SHISA6: variants seen among roughly 807,000 people sequenced by gnomAD.
SHISA6 encodes protein shisa-6.
A neutral mutation model predicts 47.9 loss-of-function variants in SHISA6; 22 were observed. That is an observed-to-expected ratio of 0.46 (90% CI 0.33 to 0.66). SHISA6 has a LOEUF of 0.66. Ranked by LOEUF, SHISA6 falls within the 30% of genes least tolerant of loss-of-function variation. The pLI, the probability that SHISA6 is intolerant of heterozygous loss-of-function variation, is 0.02. For synonymous variants in SHISA6, 388 were observed against 337.8 expected (o/e 1.15, Z -1.63); for missense variants, 680 against 764.6 (o/e 0.89, Z 1.30).
chr17:11,382,606 T>A (rs924192233), intron 3 of SHISA6, among the ~76,000 whole-genome samples: 1 of 152,228 alleles, frequency 6.6e-6, no homozygotes, highest in Middle Eastern at 3.2e-3. Context: ...TTGTTTTATT[T>A]CTCTATCCTT....
At chr17:11,277,077 T>C (rs1908927934) in intron 2 of SHISA6, among the ~76,000 whole-genome samples, 1 of 152,076 alleles carries the variant, frequency 6.6e-6, no homozygotes, top group Non-Finnish European at 1.5e-5. Context: ...ATCCAAGGAC[T>C]TGAAATGAAT....
intron 2 of SHISA6, among the ~76,000 whole-genome samples, chr17:11,301,995 A>G (rs1157629105): frequency 6.6e-6 from 1 of 152,150 alleles, no homozygotes; most frequent in Non-Finnish European, 1.5e-5. Flanking sequence ...GGCAAGAGAA[A>G]ATGAGGAAAA....
At chr17:11,546,897 C>T (rs1597580675) in intron 3 of SHISA6, among the ~76,000 whole-genome samples, 1 of 151,896 alleles carries the variant, frequency 6.6e-6, no homozygotes, top group Admixed American at 6.6e-5. Context: ...CCACTGTACT[C>T]CAGCCTGGGC....
intron 3 of SHISA6, among the ~76,000 whole-genome samples, chr17:11,420,362 T>G (rs1220820263): frequency 6.6e-6 from 1 of 152,222 alleles, no homozygotes; most frequent in Non-Finnish European, 1.5e-5. Flanking sequence ...CACATGGTTA[T>G]GTGGAGGATG....
At chr17:11,306,230 G>A (rs866906067) in intron 2 of SHISA6, among the ~76,000 whole-genome samples, 14 of 152,076 alleles carry the variant, frequency 9.2e-5, no homozygotes, top group Non-Finnish European at 1.3e-4. Flanking sequence ...CTGGATTCCC[G>A]ATCCAGAGGT....
chr17:11,533,594 T>TTA (rs202037527), intron 3 of SHISA6, among the ~76,000 whole-genome samples: 10 of 140,824 alleles, frequency 7.1e-5, no homozygotes, highest in Middle Eastern at 3.5e-3. Context: ...ATTATTTTTT[T>TTA]TTTTTTTTTT....
chr17:11,472,533 T>C (rs1184907458), intron 3 of SHISA6, among the ~76,000 whole-genome samples: 3 of 152,160 alleles, frequency 2.0e-5, no homozygotes, highest in South Asian at 2.1e-4. Context: ...TAATATTCCA[T>C]TGTCTGGATG....
At chr17:11,472,707 A>C (rs1340325044) in intron 3 of SHISA6, among the ~76,000 whole-genome samples, 1 of 152,144 alleles carries the variant, frequency 6.6e-6, no homozygotes, top group African/African-American at 2.4e-5. Flanking sequence ...CAATTTTTGG[A>C]TCATATGGTA....
rs541355463 is a variant in SHISA6, at chr17:11,350,218, C to T, written c.800-29196C>T. ...TTTTTGAGACGGAGTCTCGCTCTGT[C>T]GCCCAGGCTGGAGTGCAGTGGCGCG... On this transcript the variant is annotated intron_variant, in intron 2 of 5. Coordinates refer to ENST00000441885, the MANE Select transcript of SHISA6 (RefSeq NM_207386.4). 1.2e-4 allele frequency among the ~76,000 whole-genome samples: 13 copies of T among 111,146 alleles called. 1 individual carries two copies. Among genetic ancestry groups the T allele is most frequent in the Non-Finnish European group, 2.1e-4 (12 of 56,282 alleles). The allele number at this position is 111,146 out of a possible 152,430, so 72.9% of individuals were successfully genotyped here. A position where few individuals can be genotyped will look rare whatever the true frequency, so the allele number is the denominator to read the frequency against.
chr17:11,337,981 G>A (rs1473233139), intron 2 of SHISA6, among the ~76,000 whole-genome samples: 1 of 152,222 alleles, frequency 6.6e-6, no homozygotes, highest in Non-Finnish European at 1.5e-5. Flanking sequence ...GGAAGTCTTG[G>A]AAGAAGAGTG....
chr17:11,252,949 A>G (rs1205932821), intron 1 of SHISA6, among the ~76,000 whole-genome samples: 1 of 152,228 alleles, frequency 6.6e-6, no homozygotes, highest in Non-Finnish European at 1.5e-5. Context: ...GAGACTATTT[A>G]TGCAATGGGA....
At chr17:11,534,739 TC>T (rs2071770670) in intron 3 of SHISA6, among the ~76,000 whole-genome samples, 1 of 152,008 alleles carries the variant, frequency 6.6e-6, no homozygotes, top group African/African-American at 2.4e-5. Context: ...GAAAAGACAT[TC>T]CAGGGAGACA....
intron 2 of SHISA6, among the ~76,000 whole-genome samples, chr17:11,365,437 C>A (rs955277459): frequency 1.3e-5 from 2 of 152,102 alleles, no homozygotes; most frequent in Non-Finnish European, 2.9e-5. Context: ...ACCACCACAT[C>A]CAGCTAATTT....
At chr17:11,363,789 C>G (rs748382003) in intron 2 of SHISA6, among the ~76,000 whole-genome samples, 8 of 152,170 alleles carry the variant, frequency 5.3e-5, no homozygotes, top group African/African-American at 1.9e-4. Flanking sequence ...TGACAACACC[C>G]GGAGGTTACT....
chr17:11,523,118 C>T (rs2071644568), intron 3 of SHISA6, among the ~76,000 whole-genome samples: 1 of 152,270 alleles, frequency 6.6e-6, no homozygotes, highest in African/African-American at 2.4e-5. Context: ...CTAAAAAAAT[C>T]CCATGGTAAG....
intron 1 of SHISA6, among the ~76,000 whole-genome samples, chr17:11,244,785 C>T (rs1438148926): frequency 1.3e-5 from 2 of 152,156 alleles, no homozygotes; most frequent in African/African-American, 4.8e-5. Flanking sequence ...AAGATGTTTC[C>T]TTTCTGAACA....
chr17:11,346,902 C>T (rs8076431), intron 2 of SHISA6, among the ~76,000 whole-genome samples: 4 of 152,008 alleles, frequency 2.6e-5, no homozygotes, highest in African/African-American at 9.7e-5. Flanking sequence ...TGATATTCTC[C>T]TGAATACTTA....
At chr17:11,464,391 G>A (rs551866814) in intron 3 of SHISA6, among the ~76,000 whole-genome samples, 1 of 152,174 alleles carries the variant, frequency 6.6e-6, no homozygotes, top group East Asian at 1.9e-4. Flanking sequence ...TCTGGGGGCT[G>A]GAGGCAGGAG....
chr17:11,380,735 G>T (rs1308859546), intron 3 of SHISA6, among the ~76,000 whole-genome samples: 1 of 152,162 alleles, frequency 6.6e-6, no homozygotes, highest in Non-Finnish European at 1.5e-5. Context: ...GAGTGCTTTG[G>T]GCTTGGAGTC....
Sources: gnomAD v4.1 joint callset for allele counts (sites outside exome capture counted in the v4.1 genomes callset) on GRCh38, gnomAD v4.1.1 for gene constraint, MANE v1.5 for transcripts, NCBI Gene and HGNC (gene_info 2026-07-23, HGNC 2026-07-21) for gene names.